Variants in ARPP21 observed in about 807,000 individuals in gnomAD.
ARPP21 encodes the protein cAMP-regulated phosphoprotein 21.
In ARPP21, 69 loss-of-function variants were observed where a neutral mutation model predicts 113.2. The observed-to-expected ratio is 0.61, with a 90% confidence interval of 0.50 to 0.74. The LOEUF (loss-of-function observed/expected upper bound fraction) is 0.74. ARPP21 is among the 30% of genes least tolerant of loss of function. The pLI, the probability that ARPP21 is intolerant of heterozygous loss-of-function variation, is 0.00. For missense variants in ARPP21, 1,070 were observed against 1,037.4 expected, an observed-to-expected ratio of 1.03 and a Z score of -0.43; for synonymous variants, 368 against 375.5, an observed-to-expected ratio of 0.98 and a Z score of 0.23.
At chr3:35,777,354 A>C (rs963152218) in intron 19 of ARPP21, among the ~76,000 whole-genome samples, 2 of 152,208 alleles carry the variant, frequency 1.3e-5, no homozygotes, top group African/African-American at 4.8e-5. Flanking sequence ...ACTTGCTCCC[A>C]GTTAATAAGC....
chr3:35,644,532 TTC>T (rs1277302931), intron 1 of ARPP21, among the ~76,000 whole-genome samples: 1 of 152,008 alleles, frequency 6.6e-6, no homozygotes, highest in East Asian at 1.9e-4. Context: ...TGAAGATATT[TTC>T]TTTAGGCATG....
chr3:35,769,204 A>G (rs939308699), intron 19 of ARPP21, among the ~76,000 whole-genome samples: 1 of 152,216 alleles, frequency 6.6e-6, no homozygotes, highest in Non-Finnish European at 1.5e-5. Flanking sequence ...ATCAGGCTGC[A>G]GTAGCAGACA....
At chr3:35,682,449 G>T (rs987123242) in intron 3 of ARPP21, 2 of 169,438 alleles carry the variant, frequency 1.2e-5, no homozygotes, top group Non-Finnish European at 2.5e-5. Context: ...AAAGAGATTC[G>T]GTAGAAGGAA....
intron 13 of ARPP21, among the ~76,000 whole-genome samples, chr3:35,719,590 G>C (rs1259321778): frequency 6.6e-6 from 1 of 152,144 alleles, no homozygotes; most frequent in African/African-American, 2.4e-5. Flanking sequence ...AAAAGGCACA[G>C]TCACACTGGC....
chr3:35,755,225 ATC>A (rs1237967130), intron 19 of ARPP21, among the ~76,000 whole-genome samples: 1 of 151,918 alleles, frequency 6.6e-6, no homozygotes, highest in Non-Finnish European at 1.5e-5. Context: ...TGTCACCTAC[ATC>A]TATGAACTAC....
intron 9 of ARPP21, among the ~76,000 whole-genome samples, chr3:35,693,646 T>C (rs2082919975): frequency 6.6e-6 from 1 of 151,708 alleles, no homozygotes; most frequent in East Asian, 1.9e-4. Context: ...AATGGGGCAT[T>C]ATATTCAAAA....
intron 19 of ARPP21, among the ~76,000 whole-genome samples, chr3:35,768,261 C>T (rs930954273): frequency 4.8e-4 from 73 of 151,972 alleles, no homozygotes; most frequent in African/African-American, 1.6e-3. Flanking sequence ...CAGACCCTCA[C>T]CTCATTCCCT....
chr3:35,683,011 G>T, intron 4 of ARPP21, 122 bp downstream of exon 4: 2 of 906,002 alleles, frequency 2.2e-6, no homozygotes, highest in South Asian at 1.9e-5. Flanking sequence ...GGGGCATCTC[G>T]GCTGTACTGG....
At chr3:35,674,665 A>G (rs1434542417) in intron 1 of ARPP21, among the ~76,000 whole-genome samples, 2 of 151,882 alleles carry the variant, frequency 1.3e-5, no homozygotes, top group African/African-American at 2.4e-5. Context: ...ATCTCAGACA[A>G]CTTTATGGCA....
At chr3:35,785,971 C>A (rs1189821832) in intron 19 of ARPP21, among the ~76,000 whole-genome samples, 2 of 151,770 alleles carry the variant, frequency 1.3e-5, no homozygotes, top group African/African-American at 4.8e-5. Context: ...CAGCAACTGC[C>A]AATAAATAAG....
rs766890360 is a variant in ARPP21, at chr3:35,739,453, T to A, written c.1886T>A (p.Ile629Asn). The A allele has an allele frequency of 2.5e-6, 4 of 1,614,126 alleles. No homozygotes were observed. The highest frequency in any genetic ancestry group is 3.4e-6 in the Non-Finnish European group (4 of 1,180,030). ...PQPAQQPSYV[I>N]ASTGQQLPTG... ...CCGGCCCAGCAGCCCAGCTATGTAATCGCCTCTACAGGCCAGCAGCTTCCT... is the reference window on the plus strand; with the variant it reads ...CCGGCCCAGCAGCCCAGCTATGTAAACGCCTCTACAGGCCAGCAGCTTCCT... The change falls in exon 18 of 21, where the codon ATC becomes AAC. Residue 629 changes from isoleucine to asparagine, a missense_variant. Physicochemically the swap from Ile to Asn is moderately radical, Grantham distance 149. Transcript: ENST00000684406.
chr3:35,717,436 T>C (rs1051335978), intron 13 of ARPP21, 79 bp downstream of exon 13: 5 of 874,582 alleles, frequency 5.7e-6, no homozygotes, highest in Non-Finnish European at 7.7e-6. Context: ...AGTGTACTCG[T>C]GTAAAATATA....
chr3:35,653,096 A>G (rs1703141082), intron 1 of ARPP21, among the ~76,000 whole-genome samples: 1 of 152,020 alleles, frequency 6.6e-6, no homozygotes, highest in African/African-American at 2.4e-5. Context: ...TCAAATAAAT[A>G]ATTTGTTTTA....
At chr3:35,763,780 G>A (rs73067168) in intron 19 of ARPP21, among the ~76,000 whole-genome samples, 63 of 152,194 alleles carry the variant, frequency 4.1e-4, no homozygotes, top group Non-Finnish European at 6.9e-4. Context: ...TATTATTTCC[G>A]AAGTTTTCAT....
Position 35,658,939 on chromosome 3 carries a change from A to G in ARPP21, c.-213+18541A>G, listed in dbSNP as rs562948539. Among the ~76,000 whole-genome samples, 7 of 152,242 alleles carry G rather than the reference A, an allele frequency of 4.6e-5. No individual in the cohort carries two copies. In the South Asian group the frequency reaches 1.5e-3, roughly 32 times the overall value. ...GGTCTTGTTTACACTGTTGTCCAAGATAATCATTTGTTTGTTTTAACTAAG... is the reference window on the plus strand; with the variant it reads ...GGTCTTGTTTACACTGTTGTCCAAGGTAATCATTTGTTTGTTTTAACTAAG... On this transcript the variant is annotated intron_variant, in intron 1 of 20. Transcript: ENST00000684406.
At chr3:35,641,803 G>C (rs1314487119) in intron 1 of ARPP21, 1 of 152,110 alleles carries the variant, frequency 6.6e-6, no homozygotes, top group Admixed American at 6.5e-5. Flanking sequence ...GTGAGTTTGG[G>C]TATATGCTTT....
intron 1 of ARPP21, among the ~76,000 whole-genome samples, chr3:35,643,378 A>G (rs2148858885): frequency 6.6e-6 from 1 of 152,188 alleles, no homozygotes; most frequent in South Asian, 2.1e-4. Flanking sequence ...AATACATCAC[A>G]ATGAGTTACT....
At chr3:35,676,501 T>C (rs945916358) in intron 1 of ARPP21, among the ~76,000 whole-genome samples, 1 of 68,042 alleles carries the variant, frequency 1.5e-5, no homozygotes, top group Non-Finnish European at 3.3e-5. Context: ...CCTCTGTTCT[T>C]CCAATAAAAT....
intron 1 of ARPP21, among the ~76,000 whole-genome samples, chr3:35,645,042 T>C (rs1433112841): frequency 6.6e-6 from 1 of 151,938 alleles, no homozygotes; most frequent in Non-Finnish European, 1.5e-5. Context: ...ACTGTCTCAT[T>C]CAAGGAATAT....
Sources: gnomAD v4.1 joint callset for allele counts (sites outside exome capture counted in the v4.1 genomes callset) on GRCh38, gnomAD v4.1.1 for gene constraint, MANE v1.5 for transcripts, NCBI Gene and HGNC (gene_info 2026-07-23, HGNC 2026-07-21) for gene names.